Variants in AGBL4 observed in about 807,000 individuals in gnomAD.
The protein encoded by AGBL4 is cytosolic carboxypeptidase 6.
In AGBL4, 58 loss-of-function variants were observed where a neutral mutation model predicts 66.4. The ratio of observed to expected loss-of-function variants is 0.87; its 90% CI spans 0.71 to 1.09. AGBL4 has a LOEUF of 1.09. AGBL4 is among the 50% of genes least tolerant of loss of function. AGBL4 has a pLI of 0.00. For missense variants in AGBL4, 579 were observed against 631.0 expected, an observed-to-expected ratio of 0.92 and a Z score of 0.88; for synonymous variants, 234 against 222.9, an observed-to-expected ratio of 1.05 and a Z score of -0.44.
chr1:49,197,994 G>A (rs935604152), intron 4 of AGBL4, among the ~76,000 whole-genome samples: 3 of 152,128 alleles, frequency 2.0e-5, no homozygotes, highest in African/African-American at 4.8e-5. Context: ...TGAGAATGGT[G>A]TCCACACCCA....
intron 1 of AGBL4, among the ~76,000 whole-genome samples, chr1:49,987,514 T>C (rs1337376354): frequency 6.6e-6 from 1 of 151,876 alleles, no homozygotes; most frequent in South Asian, 2.1e-4. Context: ...ATCTAGAAAA[T>C]GTGAGGAGAA....
intron 1 of AGBL4, among the ~76,000 whole-genome samples, chr1:49,942,771 T>A (rs938948371): frequency 1.3e-5 from 2 of 152,124 alleles, no homozygotes; most frequent in Admixed American, 6.6e-5. Context: ...GTCTGAGTAA[T>A]GAATTTTTGT....
chr1:49,929,429 A>T (rs1653114941), intron 1 of AGBL4, among the ~76,000 whole-genome samples: 1 of 152,230 alleles, frequency 6.6e-6, no homozygotes, highest in African/African-American at 2.4e-5. Flanking sequence ...ACAAAGTGGA[A>T]CAACATTTTT....
chr1:49,810,413 G>A lies in AGBL4; in HGVS notation c.157+40983C>T, dbSNP rs563739259. The stretch of plus-strand genomic sequence containing the variant: ...TTCTAAAAGAACAGTTTAAACAATT[G>A]TTTTAGTACAGGGAGATACCACACA... On this transcript the variant is annotated intron_variant, in intron 2 of 13. Coordinates refer to ENST00000371839, the MANE Select transcript of AGBL4 (RefSeq NM_032785.4). Among the ~76,000 whole-genome samples, 296 of 152,202 alleles carry A rather than the reference G, an allele frequency of 1.9e-3. 10 individuals are homozygous for A. In the South Asian group the frequency reaches 0.06, roughly 31 times the overall value.
intron 3 of AGBL4, among the ~76,000 whole-genome samples, chr1:49,303,758 G>A (rs1644799126): frequency 6.6e-6 from 1 of 152,042 alleles, no homozygotes; most frequent in Admixed American, 6.6e-5. Context: ...TTAGAGGCAT[G>A]AGCCACTGCA....
chr1:48,628,106 T>C (rs991529089), intron 9 of AGBL4, among the ~76,000 whole-genome samples: 1 of 152,188 alleles, frequency 6.6e-6, no homozygotes. Flanking sequence ...CCGGGTTCTG[T>C]GCTAGGTCCT....
intron 1 of AGBL4, among the ~76,000 whole-genome samples, chr1:49,909,297 C>CATAAGTAT (rs1232438021): frequency 2.0e-5 from 3 of 152,016 alleles, no homozygotes; most frequent in African/African-American, 7.3e-5. Flanking sequence ...CACATATATA[C>CATAAGTAT]ATAAGTATAT....
chr1:49,430,132 C>T (rs781605234), intron 3 of AGBL4, among the ~76,000 whole-genome samples: 3 of 152,098 alleles, frequency 2.0e-5, no homozygotes, highest in Admixed American at 6.6e-5. Flanking sequence ...GGATTACAGG[C>T]GTGAGACACC....
At chr1:48,530,794 C>T (rs1643900388), downstream of AGBL4, among the ~76,000 whole-genome samples, 1 of 152,134 alleles carries the variant, frequency 6.6e-6, no homozygotes, top group African/African-American at 2.4e-5. Flanking sequence ...CCTTCTCACC[C>T]CTACTTTTTG....
chr1:49,049,446 G>T (rs1378826059), intron 4 of AGBL4, among the ~76,000 whole-genome samples: 1 of 151,830 alleles, frequency 6.6e-6, no homozygotes, highest in Non-Finnish European at 1.5e-5. Flanking sequence ...TCTTAACAAT[G>T]AACAATAAAA....
At chr1:48,783,505 AG>A (rs145112223) in intron 6 of AGBL4, among the ~76,000 whole-genome samples, 3,073 of 152,304 alleles carry the variant, frequency 0.02, 59 homozygotes, top group Non-Finnish European at 0.034. Flanking sequence ...GACAGATTGG[AG>A]GGCCAAAGAA....
intron 2 of AGBL4, among the ~76,000 whole-genome samples, chr1:49,739,175 GCTAA>G (rs1650183405): frequency 6.6e-6 from 1 of 152,064 alleles, no homozygotes; most frequent in Non-Finnish European, 1.5e-5. Context: ...GAGAAGAATG[GCTAA>G]CTAGAATAAG....
intron 6 of AGBL4, among the ~76,000 whole-genome samples, chr1:48,804,265 G>T (rs1645873475): frequency 6.6e-6 from 1 of 152,110 alleles, no homozygotes; most frequent in East Asian, 1.9e-4. Context: ...AATAGCCAAA[G>T]CATTATTTCT....
At chr1:48,930,193 A>G (rs1347320517) in intron 5 of AGBL4, among the ~76,000 whole-genome samples, 1 of 151,972 alleles carries the variant, frequency 6.6e-6, no homozygotes, top group Non-Finnish European at 1.5e-5. Flanking sequence ...AAGATTAGAC[A>G]CGTGTAAGGG....
chr1:49,258,557 T>C (rs1036435548), intron 3 of AGBL4, among the ~76,000 whole-genome samples: 5 of 151,684 alleles, frequency 3.3e-5, no homozygotes, highest in African/African-American at 9.7e-5. Flanking sequence ...AGGGTATCAG[T>C]GATGGAAGAT....
chr1:49,237,451 T>C (rs1308325737), intron 4 of AGBL4, among the ~76,000 whole-genome samples: 1 of 149,906 alleles, frequency 6.7e-6, no homozygotes, highest in African/African-American at 2.5e-5. Context: ...AGGTATGTCT[T>C]TATCAGCAGC....
At chr1:49,589,502 A>G (rs916981466) in intron 3 of AGBL4, among the ~76,000 whole-genome samples, 2 of 152,122 alleles carry the variant, frequency 1.3e-5, no homozygotes, top group Admixed American at 6.6e-5. Flanking sequence ...GTGTTCACCA[A>G]TATTTTAGGA....
chr1:49,269,960 A>T (rs1021818911), intron 3 of AGBL4, among the ~76,000 whole-genome samples: 2 of 152,136 alleles, frequency 1.3e-5, no homozygotes, highest in African/African-American at 4.8e-5. Context: ...AGTTAAGGGA[A>T]CCTAGGACCT....
chr1:49,245,257 T>C (rs1442861153), intron 4 of AGBL4, among the ~76,000 whole-genome samples: 1 of 139,076 alleles, frequency 7.2e-6, no homozygotes, highest in Non-Finnish European at 1.6e-5. Context: ...AACTTTAAAA[T>C]ACACACACAC....
Sources: allele counts gnomAD v4.1 joint callset (sites outside exome capture counted in the v4.1 genomes callset), GRCh38; gene constraint gnomAD v4.1.1; transcripts MANE v1.5; gene names NCBI Gene and HGNC (gene_info 2026-07-23, HGNC 2026-07-21).